The following NUP98 variants were observed in gnomAD, a reference collection of about 807,000 sequenced individuals.
NUP98 encodes the protein nucleoporin 98 and 96 precursor, also known as nuclear pore complex protein Nup98-Nup96.
Under a neutral mutation model 191.9 loss-of-function variants are expected in NUP98, and 26 were observed. That is an observed-to-expected ratio of 0.14 (90% confidence interval 0.10 to 0.19). The LOEUF is 0.19. Among genes scored for constraint, NUP98 ranks in the 10% least tolerant of loss-of-function variants. The pLI is 1.00. For missense variants in NUP98, 1,941 were observed against 2,178.8 expected, an observed-to-expected ratio of 0.89 and a Z score of 2.17; for synonymous variants, 808 against 778.4, an observed-to-expected ratio of 1.04 and a Z score of -0.63.
At chr11:3,740,595 G>A (rs1316355771) in intron 12 of NUP98, among the ~76,000 whole-genome samples, 1 of 151,794 alleles carries the variant, frequency 6.6e-6, no homozygotes, top group Non-Finnish European at 1.5e-5. Context: ...CAATACACAG[G>A]TCAAAGTATG....
chr11:3,689,114 G>A (rs1324782115), intron 28 of NUP98, among the ~76,000 whole-genome samples: 4 of 150,960 alleles, frequency 2.6e-5, no homozygotes, highest in South Asian at 2.1e-4. Flanking sequence ...CTCCTGCAGC[G>A]CTCAGCTACT....
At chr11:3,712,814 G>A (rs2079060257) in intron 19 of NUP98, 86 bp from the exon 20 acceptor site, 19 of 1,366,488 alleles carry the variant, frequency 1.4e-5, no homozygotes, top group African/African-American at 2.9e-5. Context: ...ATTACCTTAA[G>A]AAAAAAGAAA....
At chr11:3,775,443 G>A (rs1303969031) in intron 5 of NUP98, among the ~76,000 whole-genome samples, 1 of 151,974 alleles carries the variant, frequency 6.6e-6, no homozygotes, top group African/African-American at 2.4e-5. Context: ...GGCGGAGGCA[G>A]GAGAATCACT....
At chr11:3,678,234 A>G (rs7945156) in intron 31 of NUP98, among the ~76,000 whole-genome samples, 32,926 of 152,042 alleles carry the variant, frequency 0.22, 3,696 homozygotes, top group Middle Eastern at 0.26. Context: ...GTCAATATGA[A>G]CTATAATCTG....
intron 1 of NUP98, among the ~76,000 whole-genome samples, chr11:3,794,671 C>T (rs1375411182): frequency 6.6e-6 from 1 of 152,150 alleles, no homozygotes; most frequent in Non-Finnish European, 1.5e-5. Context: ...GGCTGGAAAG[C>T]AGTGGTGCAA....
chr11:3,686,061 C>A lies in NUP98; in HGVS notation c.4588G>T (p.Val1530Leu), dbSNP rs761773424. 1 of 1,614,254 alleles carries A rather than the reference C, an allele frequency of 6.2e-7. No homozygotes were observed. The highest frequency in any genetic ancestry group is 8.5e-7 in the Non-Finnish European group (1 of 1,180,052). The stretch of plus-strand genomic sequence containing the variant: ...TGGCCAGCGTAACTGGCCTGTAGCA[C>A]ACCTTCACACTGCGCTGAGAGATGG... ...YTHLSAQCEG[V>L]LQASYAGQLE... The change falls in exon 29 of 33, where the codon GTG becomes TTG. Residue 1530 changes from valine (V) to leucine (L), a missense_variant. Coordinates refer to ENST00000324932, the MANE Select transcript of NUP98 (RefSeq NM_016320.5).
At chr11:3,725,693 T>C (rs890938720) in intron 14 of NUP98, among the ~76,000 whole-genome samples, 4 of 152,230 alleles carry the variant, frequency 2.6e-5, no homozygotes, top group Admixed American at 6.5e-5. Context: ...CTTTTTACTT[T>C]CTTTGGTTTG....
chr11:3,760,112 CAAAA>C (rs67500611), intron 10 of NUP98: 122 of 121,290 alleles, frequency 1.0e-3, no homozygotes, highest in Middle Eastern at 4.6e-3. Flanking sequence ...TGTTCTCCAC[CAAAA>C]AAAAAAAAAA....
At chr11:3,787,938 G>A (rs1250399582) in intron 1 of NUP98, among the ~76,000 whole-genome samples, 1 of 152,178 alleles carries the variant, frequency 6.6e-6, no homozygotes, top group Admixed American at 6.6e-5. Flanking sequence ...GTTGCAGTGA[G>A]CCGAGATCGG....
intron 2 of NUP98, 63 bp downstream of exon 2, chr11:3,781,979 T>G: frequency 9.4e-7 from 1 of 1,063,668 alleles, no homozygotes; most frequent in Non-Finnish European, 1.4e-6. Flanking sequence ...CTTATCAGAG[T>G]GGATTTGTTC....
chr11:3,726,410 C>A (rs899598690), intron 14 of NUP98, among the ~76,000 whole-genome samples: 23 of 150,732 alleles, frequency 1.5e-4, no homozygotes, highest in African/African-American at 5.1e-4. Context: ...TAAGTTAGTT[C>A]TTTGAAGTTA....
intron 8 of NUP98, among the ~76,000 whole-genome samples, chr11:3,763,304 G>T (rs1033526240): frequency 4.6e-5 from 7 of 152,204 alleles, no homozygotes; most frequent in Admixed American, 2.0e-4. Flanking sequence ...TTAAGCCCCT[G>T]TTCTTCCCAG....
At chr11:3,684,136 C>T (rs531283670) in intron 29 of NUP98, among the ~76,000 whole-genome samples, 3 of 152,124 alleles carry the variant, frequency 2.0e-5, no homozygotes, top group Non-Finnish European at 4.4e-5. Flanking sequence ...TGCTTGAACC[C>T]GGGAGGCAGA....
intron 1 of NUP98, among the ~76,000 whole-genome samples, chr11:3,792,178 CAAAAAAAAAAA>C (rs61471948): frequency 0.032 from 1,856 of 58,920 alleles, 55 homozygotes; most frequent in African/African-American, 0.1. Context: ...AACTCCATCT[CAAAAAAAAAAA>C]AAAAAAAAAA....
chr11:3,683,850 C>T lies in NUP98; in HGVS notation c.4677-409G>A, dbSNP rs1233014681. Reference sequence around the variant, plus strand: ...ACCACACCTGGCCTAAACTATGGGTCTTGATCACTTTAAGCTTCACTAAAA... The same window carrying T: ...ACCACACCTGGCCTAAACTATGGGTTTTGATCACTTTAAGCTTCACTAAAA... On this transcript the variant is annotated intron_variant, in intron 29 of 32. Coordinates refer to ENST00000324932, the MANE Select transcript of NUP98 (RefSeq NM_016320.5). Among the ~76,000 whole-genome samples the T allele has an allele frequency of 2.6e-5, 4 of 151,984 alleles. No individual in the cohort carries two copies. In the East Asian group the frequency reaches 5.8e-4, roughly 22 times the overall value.
At chr11:3,726,272 A>C (rs1384882234) in intron 14 of NUP98, among the ~76,000 whole-genome samples, 3 of 152,090 alleles carry the variant, frequency 2.0e-5, no homozygotes, top group Non-Finnish European at 4.4e-5. Context: ...ATTTGAAAGA[A>C]GGAAAGCTGA....
At chr11:3,718,439 G>A (rs907386624) in intron 18 of NUP98, among the ~76,000 whole-genome samples, 1 of 152,064 alleles carries the variant, frequency 6.6e-6, no homozygotes, top group Non-Finnish European at 1.5e-5. Flanking sequence ...TGGAGGCTGA[G>A]GCAGGAGAAT....
At chr11:3,681,368 T>C (rs528306459) in intron 30 of NUP98, among the ~76,000 whole-genome samples, 1 of 152,292 alleles carries the variant, frequency 6.6e-6, no homozygotes, top group East Asian at 1.9e-4. Context: ...TGGTGAATCC[T>C]TTCCAGAAGG....
At chr11:3,758,602 C>T (rs1459626580) in intron 10 of NUP98, among the ~76,000 whole-genome samples, 2 of 151,994 alleles carry the variant, frequency 1.3e-5, no homozygotes, top group Non-Finnish European at 2.9e-5. Context: ...CTCGCCAACA[C>T]GGTGAAACCC....
Sources: gnomAD v4.1 joint callset for allele counts (sites outside exome capture counted in the v4.1 genomes callset) on GRCh38, gnomAD v4.1.1 for gene constraint, MANE v1.5 for transcripts, NCBI Gene and HGNC (gene_info 2026-07-23, HGNC 2026-07-21) for gene names.